The following FBXW8 variants were observed in gnomAD, a reference collection of about 807,000 sequenced individuals.
FBXW8 encodes the protein F-box/WD repeat-containing protein 8.
A neutral mutation model predicts 65.3 loss-of-function variants in FBXW8; 57 were observed. The observed-to-expected ratio is 0.87, with a 90% CI of 0.71 to 1.09. The LOEUF (loss-of-function observed/expected upper bound fraction) is 1.09, where lower values mean the gene tolerates loss of function less well. FBXW8 is among the 50% of genes least tolerant of loss of function. FBXW8 has a pLI of 0.00. For synonymous variants in FBXW8, 308 were observed against 330.2 expected, an observed-to-expected ratio of 0.93 and a Z score of 0.73; for missense variants, 777 against 814.8, an observed-to-expected ratio of 0.95 and a Z score of 0.57.
intron 8 of FBXW8, among the ~76,000 whole-genome samples, chr12:117,010,696 C>T (rs1024696685): frequency 1.3e-5 from 2 of 152,186 alleles, no homozygotes; most frequent in Non-Finnish European, 2.9e-5. Flanking sequence ...CATTTGGTGG[C>T]CGCAGTTGGT....
At chr12:116,921,077 T>A (rs1241855994) in intron 1 of FBXW8, among the ~76,000 whole-genome samples, 1 of 152,172 alleles carries the variant, frequency 6.6e-6, no homozygotes, top group Admixed American at 6.5e-5. Flanking sequence ...CCCCCAGCAC[T>A]TGCATTTCTT....
Position 117,028,002 on chromosome 12 carries a change from T to G in FBXW8, c.1653-26T>G. ...GAGGGCCAGCGAGGCAGCCCTGACC[T>G]GTCACCATCTTTGTGCTCTTTCTAG... On this transcript the variant is annotated intron_variant, in intron 10 of 10. Transcript: ENST00000652555. The surrounding 1 kb of genome is among the most constrained non-coding windows in gnomAD (Gnocchi z 4.1). 1 of 1,613,548 alleles carries G rather than the reference T, an allele frequency of 6.2e-7. No individual in the cohort carries two copies. Among genetic ancestry groups the G allele is most frequent in the East Asian group, 2.2e-5 (1 of 44,884 alleles).
At chr12:116,918,917 C>T (rs1245994078) in intron 1 of FBXW8, among the ~76,000 whole-genome samples, 5 of 152,044 alleles carry the variant, frequency 3.3e-5, no homozygotes, top group South Asian at 4.2e-4. Context: ...TCAAGACCCC[C>T]GGTGGGTGCT....
chr12:116,941,430 G>A (rs1269624229), intron 2 of FBXW8, among the ~76,000 whole-genome samples: 1 of 152,232 alleles, frequency 6.6e-6, no homozygotes, highest in Non-Finnish European at 1.5e-5. Flanking sequence ...CATGCGAAGT[G>A]TCCATGCCTG....
intron 7 of FBXW8, among the ~76,000 whole-genome samples, chr12:116,996,458 C>T (rs1184066771): frequency 6.6e-6 from 1 of 152,006 alleles, no homozygotes; most frequent in East Asian, 1.9e-4. Flanking sequence ...TCCCATACCT[C>T]CACCCGAACA....
Position 116,911,021 on chromosome 12 carries a change from C to A in FBXW8, c.-17C>A. On this transcript the variant is annotated 5_prime_UTR_variant, in exon 1 of 11. Coordinates refer to ENST00000652555, the MANE Select transcript of FBXW8 (RefSeq NM_153348.3). Reference sequence around the variant, plus strand: ...CGGTGGAACCGAGGAGAACGTGGAGCGCCGGGAGCGGCGAATATGGACGAC... The same window carrying A: ...CGGTGGAACCGAGGAGAACGTGGAGAGCCGGGAGCGGCGAATATGGACGAC... The A allele has an allele frequency of 7.2e-7, 1 of 1,394,118 alleles. No homozygotes were observed. The highest frequency in any genetic ancestry group is 3.4e-5 in the Admixed American group (1 of 29,536). The allele number at this position is 1,394,118 out of a possible 1,614,324, so 86.4% of individuals were successfully genotyped here.
rs1011253485 is a variant in FBXW8, at chr12:116,911,343, C to A, written c.306C>A (p.Leu102=). ...GCGGGGAGCAGCTGGTGGACCAGCT[C>A]ATCCGCGACCTGGTGAGTGGCCGTC... is the stretch of plus-strand genomic sequence containing the variant. The part of the protein sequence containing the change: ...AGGGEQLVDQ[L]IRDLNEMNDV... The change falls in exon 1 of 11, where the codon CTC becomes CTA. Residue 102 remains leucine (L), a synonymous_variant. Transcript: ENST00000652555. The A allele has an allele frequency of 1.1e-5, 14 of 1,280,450 alleles. No individual in the cohort carries two copies. The African/African-American group carries it at 1.9e-4, about 17-fold the overall frequency. The allele number at this position is 1,280,450 out of a possible 1,614,324, so 79.3% of individuals were successfully genotyped here. A position where few individuals can be genotyped will look rare whatever the true frequency, so the allele number is the denominator to read the frequency against.
chr12:116,982,911 G>A (rs916155562), intron 5 of FBXW8, among the ~76,000 whole-genome samples: 3 of 152,064 alleles, frequency 2.0e-5, no homozygotes, highest in East Asian at 3.8e-4. Flanking sequence ...AAATGCAGCC[G>A]CTCATCCTGC....
chr12:116,943,362 T>C (rs938989086), intron 2 of FBXW8, among the ~76,000 whole-genome samples: 1 of 152,248 alleles, frequency 6.6e-6, no homozygotes, highest in African/African-American at 2.4e-5. Context: ...TTTGCTGTTA[T>C]TGCTATTGTT....
chr12:116,963,361 CT>C (rs1484367765), intron 4 of FBXW8, among the ~76,000 whole-genome samples: 1 of 152,190 alleles, frequency 6.6e-6, no homozygotes, highest in Non-Finnish European at 1.5e-5. Context: ...AATCCCAACA[CT>C]TTTGGAGGCC....
rs1418484284 is a variant in FBXW8 at position 117,027,503 on chromosome 12, A to G, written c.1651A>G (p.Arg551Gly). The G allele has an allele frequency of 1.9e-6, 3 of 1,612,422 alleles. No individual in the cohort carries two copies. The highest frequency in any genetic ancestry group is 2.5e-6 in the Non-Finnish European group (3 of 1,178,584). Reference sequence around the variant, plus strand: ...CCTGGACAGCTTCACTACTCACAGGAGGTTAGTGGTGGGGCCGGGCGAGTA... The same window carrying G: ...CCTGGACAGCTTCACTACTCACAGGGGGTTAGTGGTGGGGCCGGGCGAGTA... ...ADLDSFTTHRRHRGLIRAYEF... is the reference protein window; with the variant it reads ...ADLDSFTTHRGHRGLIRAYEF... The change falls in exon 10 of 11, where the codon AGA (arginine) becomes GGA (glycine). Residue 551 changes from arginine (R) to glycine (G), a missense_variant and splice_region_variant. By Grantham distance (125) the Arg-to-Gly change is moderately radical. Transcript: ENST00000652555.
intron 5 of FBXW8, 34 bp from the exon 6 acceptor site, chr12:116,985,172 A>C (rs770574781): frequency 6.5e-6 from 10 of 1,530,904 alleles, no homozygotes; most frequent in Non-Finnish European, 8.8e-6. Flanking sequence ...AAGTAAATTT[A>C]AAATTGTTAC....
At chr12:116,956,181 C>T (rs1324905337) in intron 4 of FBXW8, among the ~76,000 whole-genome samples, 3 of 152,018 alleles carry the variant, frequency 2.0e-5, no homozygotes, top group Non-Finnish European at 4.4e-5. Flanking sequence ...TATTTTCTCC[C>T]CTGGTTTCCG....
chr12:117,010,794 A>G (rs1290306031), intron 8 of FBXW8, among the ~76,000 whole-genome samples: 5 of 152,198 alleles, frequency 3.3e-5, no homozygotes, highest in Non-Finnish European at 7.3e-5. Context: ...CTAATATTAA[A>G]AACAGTAACC....
chr12:116,913,431 C>G (rs537460180), intron 1 of FBXW8, among the ~76,000 whole-genome samples: 2 of 152,278 alleles, frequency 1.3e-5, no homozygotes, highest in South Asian at 4.2e-4. Context: ...TGACCAGAAG[C>G]CTTATAGATA....
Position 117,030,866 on chromosome 12 carries a change from A to G in FBXW8, c.*2694A>G, listed in dbSNP as rs753928400. The G allele has an allele frequency of 2.0e-5, 3 of 152,244 alleles. No homozygotes were observed. Among genetic ancestry groups the G allele is most frequent in the Non-Finnish European group, 2.9e-5 (2 of 68,046 alleles). The allele number at this position is 152,244 out of a possible 1,614,324, so 9.4% of individuals were successfully genotyped here. A position where few individuals can be genotyped will look rare whatever the true frequency, so the allele number is the denominator to read the frequency against. On this transcript the variant is annotated 3_prime_UTR_variant, in exon 11 of 11. Coordinates refer to ENST00000652555, the MANE Select transcript of FBXW8 (RefSeq NM_153348.3). ...GGGAAAGGATAAATGCTCCTTTATA[A>G]GCCAACATGTATCCAAATTAAGCCC...
intron 2 of FBXW8, 105 bp from the exon 3 acceptor site, chr12:116,945,259 C>T: frequency 9.4e-7 from 1 of 1,067,324 alleles, no homozygotes; most frequent in Non-Finnish European, 1.3e-6. Context: ...ACATTTTATA[C>T]TGCCATAAAC....
chr12:116,929,769 G>A (rs951904325), intron 2 of FBXW8, among the ~76,000 whole-genome samples: 1 of 152,130 alleles, frequency 6.6e-6, no homozygotes, highest in Non-Finnish European at 1.5e-5. Context: ...GTGTTGTACA[G>A]TAGAGCTCTG....
chr12:116,948,306 C>T (rs1883060098), intron 3 of FBXW8, among the ~76,000 whole-genome samples: 2 of 152,006 alleles, frequency 1.3e-5, no homozygotes, highest in African/African-American at 2.4e-5. Flanking sequence ...ACCTTGGTTG[C>T]GGCCTTCACA....
Sources: allele counts gnomAD v4.1 joint callset (sites outside exome capture counted in the v4.1 genomes callset), GRCh38; gene constraint gnomAD v4.1.1; non-coding constraint Gnocchi (gnomAD v3.1); transcripts MANE v1.5; gene names NCBI Gene and HGNC (gene_info 2026-07-23, HGNC 2026-07-21).